The following AP1M1 variants were observed in gnomAD, a reference collection of about 807,000 sequenced individuals.
The protein encoded by AP1M1 is AP-1 complex subunit mu-1.
In AP1M1, 18 loss-of-function variants were observed where a neutral mutation model predicts 57.1. The ratio of observed to expected loss-of-function variants is 0.32; its 90% confidence interval spans 0.22 to 0.47. The LOEUF (loss-of-function observed/expected upper bound fraction) is 0.47. Among genes scored for constraint, AP1M1 ranks in the 20% least tolerant of loss-of-function variants. AP1M1 has a pLI of 1.00. For synonymous variants in AP1M1, 241 were observed against 237.9 expected (o/e 1.01, Z -0.12); for missense variants, 362 against 593.5 (o/e 0.61, Z 4.05).
intron 9 of AP1M1, among the ~76,000 whole-genome samples, chr19:16,229,910 T>C (rs529817012): frequency 6.6e-6 from 1 of 152,346 alleles, no homozygotes; most frequent in Admixed American, 6.5e-5. Context: ...ATTGACTGTC[T>C]TCTTGGCGGT....
At position 16,241,176 on chromosome 19, in the gene AP1M1, G is replaced by C. The variant is rs1005147993; in HGVS notation, c.*6741G>C. The C allele has an allele frequency of 6.6e-6, 1 of 152,122 alleles. No individual in the cohort carries two copies. The highest frequency in any genetic ancestry group is 1.5e-5 in the Non-Finnish European group (1 of 68,068). The allele number at this position is 152,122 out of a possible 1,614,324, so 9.4% of individuals were successfully genotyped here. On this transcript the variant is annotated 3_prime_UTR_variant, in exon 12 of 12. Transcript: ENST00000291439. ...AGAAATACAAAATTAGCCAGGTGTG[G>C]TGGCGGGCACCTGTGTTCCCAGCTA...
At chr19:16,210,112 G>A (rs1424652741) in intron 5 of AP1M1, among the ~76,000 whole-genome samples, 6 of 152,162 alleles carry the variant, frequency 3.9e-5, no homozygotes. Context: ...CGTATGAATG[G>A]CGTCATACAG....
intron 1 of AP1M1, among the ~76,000 whole-genome samples, chr19:16,201,429 C>T (rs994450659): frequency 1.9e-5 from 2 of 104,512 alleles, no homozygotes; most frequent in African/African-American, 3.7e-5. Context: ...GATGGAGTTA[C>T]GTTCTGTCAG....
rs2305938 is a variant in AP1M1 at position 16,227,463 on chromosome 19, C to G, written c.674-85C>G. On this transcript the variant is annotated intron_variant, in intron 6 of 11. Transcript: ENST00000291439. The surrounding 1 kb of genome is among the most constrained non-coding windows in gnomAD (Gnocchi z 6.2). ...GCGTGGACTGGGGGCCCTGCTCTGC[C>G]GGGGTGGGTTGCAGGTGGTAGGAGT... 12 of 1,503,378 alleles carry G rather than the reference C, an allele frequency of 8.0e-6. No individual in the cohort carries two copies. Among genetic ancestry groups the G allele is most frequent in the Non-Finnish European group, 1.1e-5 (12 of 1,094,834 alleles). 93.1% of individuals were successfully genotyped at this position (1,503,378 alleles called of 1,614,324 possible). A position where few individuals can be genotyped will look rare whatever the true frequency, so the allele number is the denominator to read the frequency against.
rs2091655977 is a variant in AP1M1, at chr19:16,244,562, G to A, written c.*10127G>A. 6.6e-6 allele frequency: 1 copy of A among 152,220 alleles called. No homozygotes were observed. The highest frequency in any genetic ancestry group is 1.5e-5 in the Non-Finnish European group (1 of 68,058). The allele number at this position is 152,220 out of a possible 1,614,324, so 9.4% of individuals were successfully genotyped here. On this transcript the variant is annotated 3_prime_UTR_variant, in exon 12 of 12. Coordinates refer to ENST00000291439, the MANE Select transcript of AP1M1 (RefSeq NM_032493.4). ...GTTCCAAGTTAATGACTGTCTGGGA[G>A]GAGAATAAATAACATGGATACACTT...
At chr19:16,221,997 T>A (rs2091546489) in intron 5 of AP1M1, among the ~76,000 whole-genome samples, 1 of 151,094 alleles carries the variant, frequency 6.6e-6, no homozygotes. Flanking sequence ...TCAGATATGT[T>A]TTTGTCATTT....
rs1007764317 is a variant in AP1M1 at position 16,241,678 on chromosome 19, A to C, written c.*7243A>C. On this transcript the variant is annotated 3_prime_UTR_variant, in exon 12 of 12. Coordinates refer to ENST00000291439, the MANE Select transcript of AP1M1 (RefSeq NM_032493.4). ...AACTTTTAACAGATTAATAGGAAGA[A>C]GGAAAAGAGAAGGAGGCGTAGAAAA... 2.6e-5 allele frequency: 4 copies of C among 152,154 alleles called. No individual in the cohort carries two copies. The highest frequency in any genetic ancestry group is 6.6e-5 in the Admixed American group (1 of 15,262). The allele number at this position is 152,154 out of a possible 1,614,324, so 9.4% of individuals were successfully genotyped here.
intron 5 of AP1M1, chr19:16,210,361 G>T: frequency 1.4e-6 from 1 of 718,338 alleles, no homozygotes; most frequent in Non-Finnish European, 2.6e-6. Flanking sequence ...TCTCTCTAGG[G>T]TAAATACCCA....
chr19:16,203,672 G>T lies in AP1M1; in HGVS notation c.199+57G>T, dbSNP rs2091458332. ...CTCCTGTGTGGGTGTTGGTGTGTGT[G>T]CATATCCACACGCCTGCAAGCAGGG... On this transcript the variant is annotated intron_variant, in intron 2 of 11. Coordinates refer to ENST00000291439, the MANE Select transcript of AP1M1 (RefSeq NM_032493.4). The surrounding 1 kb of genome is among the most constrained non-coding windows in gnomAD (Gnocchi z 4.6). 1.3e-6 allele frequency: 2 copies of T among 1,523,784 alleles called. No individual in the cohort carries two copies. The highest frequency in any genetic ancestry group is 1.8e-6 in the Non-Finnish European group (2 of 1,123,490). 94.4% of individuals were successfully genotyped at this position (1,523,784 alleles called of 1,614,324 possible). A position where few individuals can be genotyped will look rare whatever the true frequency, so the allele number is the denominator to read the frequency against.
chr19:16,221,005 G>A (rs536405202), intron 5 of AP1M1, among the ~76,000 whole-genome samples: 2 of 152,306 alleles, frequency 1.3e-5, no homozygotes, highest in South Asian at 2.1e-4. Context: ...GATGAGGTGT[G>A]CACATCTTTG....
At chr19:16,211,278 G>A (rs896475658) in intron 5 of AP1M1, among the ~76,000 whole-genome samples, 1 of 151,954 alleles carries the variant, frequency 6.6e-6, no homozygotes, top group Non-Finnish European at 1.5e-5. Context: ...ATTTTTAGTC[G>A]AGACAGGGTT....
At position 16,234,513 on chromosome 19, in the gene AP1M1, A is replaced by G. The variant is rs2091615686; in HGVS notation, c.*78A>G. 1.3e-6 allele frequency: 2 copies of G among 1,580,112 alleles called. No individual in the cohort carries two copies. Among genetic ancestry groups the G allele is most frequent in the Middle Eastern group, 1.7e-4 (1 of 5,970 alleles). ...GGGACACACCTGCCAAACCCACCAG[A>G]TGGAGGGGCCCTCCCTGGTCTCTGG... On this transcript the variant is annotated 3_prime_UTR_variant, in exon 12 of 12. Coordinates refer to ENST00000291439, the MANE Select transcript of AP1M1 (RefSeq NM_032493.4).
rs966908550 is a variant in AP1M1 at position 16,236,798 on chromosome 19, C to G, written c.*2363C>G. The G allele has an allele frequency of 6.6e-6, 1 of 152,164 alleles. No homozygotes were observed. The highest frequency in any genetic ancestry group is 1.5e-5 in the Non-Finnish European group (1 of 68,032). The allele number at this position is 152,164 out of a possible 1,614,324, so 9.4% of individuals were successfully genotyped here. On this transcript the variant is annotated 3_prime_UTR_variant, in exon 12 of 12. Coordinates refer to ENST00000291439, the MANE Select transcript of AP1M1 (RefSeq NM_032493.4). The stretch of plus-strand genomic sequence containing the variant: ...GGGACCTAACTTCATGCCTTGTTAC[C>G]TAAGATCCTCGCACACAATAGACCC...
In AP1M1 at chr19:16,238,553, A is replaced by G. The variant is rs968749383; in HGVS notation, c.*4118A>G. The stretch of plus-strand genomic sequence containing the variant: ...ATTTTGCGTGCTTAGGGATCTATAT[A>G]TATCCAGCAAAAGTCTAACGAGATG... On this transcript the variant is annotated 3_prime_UTR_variant, in exon 12 of 12. Coordinates refer to ENST00000291439, the MANE Select transcript of AP1M1 (RefSeq NM_032493.4). 3 of 152,132 alleles carry G rather than the reference A, an allele frequency of 2.0e-5. No individual in the cohort carries two copies. The highest frequency in any genetic ancestry group is 7.2e-5 in the African/African-American group (3 of 41,412). The allele number at this position is 152,132 out of a possible 1,614,324, so 9.4% of individuals were successfully genotyped here.
At position 16,198,330 on chromosome 19, in the gene AP1M1, T is replaced by C. The variant is rs554821995; in HGVS notation, c.42+262T>C. The C allele has an allele frequency of 6.8e-4, 168 of 245,956 alleles. 1 individual carries two copies. The highest frequency in any genetic ancestry group is 3.7e-3 in the African/African-American group (163 of 44,208). The allele number at this position is 245,956 out of a possible 1,614,324, so 15.2% of individuals were successfully genotyped here. ...CCAGGTAACTGACTGCACCGCCCTC[T>C]GCTCCCCGGCGCCGGGGCCGGGGGC... is the stretch of plus-strand genomic sequence containing the variant. On this transcript the variant is annotated intron_variant, in intron 1 of 11. Transcript: ENST00000291439.
chr19:16,232,021 C>G (rs1033178009), intron 9 of AP1M1, among the ~76,000 whole-genome samples: 1 of 152,230 alleles, frequency 6.6e-6, no homozygotes, highest in African/African-American at 2.4e-5. Flanking sequence ...AGGCCTTCTC[C>G]TGGCTCTCTC....
Position 16,237,771 on chromosome 19 carries a change from C to G in AP1M1, c.*3336C>G, listed in dbSNP as rs285281. On this transcript the variant is annotated 3_prime_UTR_variant, in exon 12 of 12. Transcript: ENST00000291439. ...AAAAGGCAAACGTTCAACCATGTAG[C>G]TATTCAGGAAATATGTACACATAAA... 0.72 allele frequency: 108,578 copies of G among 151,828 alleles called. 39,058 individuals carry two copies. The highest frequency in any genetic ancestry group is 0.77 in the Admixed American group (11,806 of 15,272). 9.4% of individuals were successfully genotyped at this position (151,828 alleles called of 1,614,324 possible).
intron 5 of AP1M1, chr19:16,210,240 C>T: frequency 1.7e-6 from 1 of 602,792 alleles, no homozygotes; most frequent in Non-Finnish European, 3.1e-6. Flanking sequence ...TATTTATTTT[C>T]TGTTCTGAAC....
intron 4 of AP1M1, 111 bp downstream of exon 4, chr19:16,208,260 T>G (rs1408872099): frequency 8.1e-7 from 1 of 1,236,592 alleles, no homozygotes; most frequent in Non-Finnish European, 1.1e-6. Context: ...GTCCCCCACC[T>G]GCCTCCCACC....
Sources: allele counts gnomAD v4.1 joint callset (sites outside exome capture counted in the v4.1 genomes callset), GRCh38; gene constraint gnomAD v4.1.1; non-coding constraint Gnocchi (gnomAD v3.1); transcripts MANE v1.5; gene names NCBI Gene and HGNC (gene_info 2026-07-23, HGNC 2026-07-21).